The following TYK2 variants were observed in gnomAD, a reference collection of about 807,000 sequenced individuals.
TYK2 encodes the protein non-receptor tyrosine-protein kinase TYK2.
Under a neutral mutation model 130.9 loss-of-function variants are expected in TYK2, and 65 were observed. The ratio of observed to expected loss-of-function variants is 0.50; its 90% CI spans 0.41 to 0.61. The LOEUF (loss-of-function observed/expected upper bound fraction) is 0.61. Ranked by LOEUF, TYK2 falls within the 20% of genes least tolerant of loss-of-function variation. The pLI is 0.00. For missense variants in TYK2, 1,378 were observed against 1,610.7 expected, an observed-to-expected ratio of 0.86 and a Z score of 2.47; for synonymous variants, 647 against 658.9, an observed-to-expected ratio of 0.98 and a Z score of 0.28.
At chr19:10,351,843 A>G (rs1378513082) in intron 23 of TYK2, among the ~76,000 whole-genome samples, 1 of 151,726 alleles carries the variant, frequency 6.6e-6, no homozygotes, top group African/African-American at 2.4e-5. Flanking sequence ...GGTTCAAGCA[A>G]TTCTCCCTGC....
intron 3 of TYK2, chr19:10,368,625 C>T (rs1441812587): frequency 1.6e-6 from 1 of 629,208 alleles, no homozygotes; most frequent in Admixed American, 2.7e-5. Flanking sequence ...TCCCAGCCTC[C>T]CTTGCAGCTA....
chr19:10,359,620 T>C (rs533134396), intron 14 of TYK2, among the ~76,000 whole-genome samples: 483 of 144,140 alleles, frequency 3.4e-3, no homozygotes, highest in African/African-American at 0.012. Flanking sequence ...CTGAGGCAGG[T>C]GGATCACCTG....
chr19:10,359,283 G>C lies in TYK2; in HGVS notation c.2067C>G (p.Tyr689Ter), dbSNP rs187919920. 6.2e-7 allele frequency: 1 copy of C among 1,611,662 alleles called. No individual in the cohort carries two copies. The highest frequency in any genetic ancestry group is 2.2e-5 in the East Asian group (1 of 44,882). ...ACACATCCAGGGGTCCGTGCTCCAC[G>C]TACTCTGTCACCATGATATCTGTAA... ...RGPENIMVTE[Y>*]VEHGPLDVWL... Residue 689 changes from tyrosine to a stop codon, truncating the protein, a stop_gained, in exon 15 of 25, where the codon TAC becomes TAG. Coordinates refer to ENST00000525621, the MANE Select transcript of TYK2 (RefSeq NM_003331.5). LOFTEE classifies it high-confidence loss of function.
chr19:10,378,098 ATGAGTGGG>A, intron 3 of TYK2, 108 bp downstream of exon 3: 1 of 937,620 alleles, frequency 1.1e-6, no homozygotes, highest in Middle Eastern at 3.2e-4. Context: ...GGATGGATGG[ATGAGTGGG>A]TGGATGGGTG....
intron 3 of TYK2, among the ~76,000 whole-genome samples, chr19:10,372,755 T>A (rs1318180534): frequency 6.6e-6 from 1 of 151,844 alleles, no homozygotes; most frequent in Non-Finnish European, 1.5e-5. Context: ...CCTCCAAAAC[T>A]GCTGGGATTG....
In TYK2 at chr19:10,353,525, A is replaced by G; in HGVS notation, c.3027+3T>C. On this transcript the variant is annotated splice_donor_region_variant and intron_variant, in intron 21 of 24. Transcript: ENST00000525621. This position sits in a 1 kb window ranked among gnomAD's most constrained non-coding sequence, Gnocchi z 6.9. ...TCCAGAAGCAGGGGCGGGGCCGACCAACCTCGCAGATCTGCTGGGCGAAGA... is the reference window on the plus strand; with the variant it reads ...TCCAGAAGCAGGGGCGGGGCCGACCGACCTCGCAGATCTGCTGGGCGAAGA... 6.7e-7 allele frequency: 1 copy of G among 1,498,878 alleles called. No individual in the cohort carries two copies. The highest frequency in any genetic ancestry group is 8.9e-7 in the Non-Finnish European group (1 of 1,120,200). The allele number at this position is 1,498,878 out of a possible 1,614,324, so 92.8% of individuals were successfully genotyped here. A position where few individuals can be genotyped will look rare whatever the true frequency, so the allele number is the denominator to read the frequency against.
chr19:10,370,576 C>G (rs921554654), intron 3 of TYK2, among the ~76,000 whole-genome samples: 2 of 149,458 alleles, frequency 1.3e-5, no homozygotes, highest in Non-Finnish European at 3.0e-5. Context: ...CCAGCACTTT[C>G]GGAAGCTGAG....
Position 10,361,867 on chromosome 19 carries a change from A to C in TYK2, c.1862T>G (p.Met621Arg), listed in dbSNP as rs758539496. 6.2e-7 allele frequency: 1 copy of C among 1,613,992 alleles called. No homozygotes were observed. Among genetic ancestry groups the C allele is most frequent in the South Asian group, 1.1e-5 (1 of 91,078 alleles). Residue 621 changes from methionine to arginine, a missense_variant, in exon 13 of 25, where the codon ATG becomes AGG. Transcript: ENST00000525621. The surrounding 1 kb of genome is among the most constrained non-coding windows in gnomAD (Gnocchi z 4.0). ...EGSGDPEEGK[M>R]DDEDPLVPGR... ...AGGCACGAGGGGGTCCTCGTCATCC[A>C]TCTTGCCCTCCTCAGGGTCCCCGCT... is the stretch of plus-strand genomic sequence containing the variant.
intron 2 of TYK2, among the ~76,000 whole-genome samples, chr19:10,379,170 T>C (rs1356755755): frequency 6.7e-6 from 1 of 150,218 alleles, no homozygotes; most frequent in African/African-American, 2.4e-5. Flanking sequence ...CTACAAGAAA[T>C]TTTTAAAATT....
At position 10,368,076 on chromosome 19, in the gene TYK2, T is replaced by C; in HGVS notation, c.444A>G (p.Ser148=). 6.2e-7 allele frequency: 1 copy of C among 1,614,146 alleles called. No individual in the cohort carries two copies. The highest frequency in any genetic ancestry group is 8.5e-7 in the Non-Finnish European group (1 of 1,180,016). Residue 148 remains serine (S), a synonymous_variant, in exon 5 of 25, where the codon TCA becomes TCG. Transcript: ENST00000525621. ...ATACCTGCTCAAAGAGGTACTCAAA[T>C]GAGGCTGGGTCCAGGAGTTGCATCC... is the stretch of plus-strand genomic sequence containing the variant. ...AQGMQLLDPA[S]FEYLFEQGKH... is the part of the protein sequence containing the mutation.
rs897970890 is a variant in TYK2 at position 10,362,010 on chromosome 19, C to T, written c.1774-55G>A. On this transcript the variant is annotated intron_variant, in intron 12 of 24. Coordinates refer to ENST00000525621, the MANE Select transcript of TYK2 (RefSeq NM_003331.5). ...CATGGTGAAAGTTAGCAGCTGATCT[C>T]CCAGGGCCCCCAGCACCCACATCCC... 3.1e-6 allele frequency: 5 copies of T among 1,613,192 alleles called. No individual in the cohort carries two copies. In the African/African-American group the frequency reaches 6.7e-5, roughly 22 times the overall value.
At position 10,378,348 on chromosome 19, in the gene TYK2, T is replaced by C. The variant is rs753407156; in HGVS notation, c.59A>G (p.Gln20Arg). Residue 20 changes from glutamine to arginine, a missense_variant, in exon 3 of 25, where the codon CAG (glutamine) becomes CGG (arginine). By Grantham distance (43) the Gln-to-Arg change is conservative. Transcript: ENST00000525621. ...CAGGCCTCCCATGGCAGCCATGGGC[T>C]GGGCTCCATCCCCAACGGGCTTACT... ...RGSKPVGDGA[Q>R]PMAAMGGLKV... 1 of 1,612,544 alleles carries C rather than the reference T, an allele frequency of 6.2e-7. No individual in the cohort carries two copies. The highest frequency in any genetic ancestry group is 8.5e-7 in the Non-Finnish European group (1 of 1,179,830).
intron 17 of TYK2, chr19:10,357,137 C>T (rs141054017): frequency 1.0e-5 from 4 of 383,676 alleles, no homozygotes; most frequent in Non-Finnish European, 1.5e-5. Context: ...GCCTGTAATC[C>T]CAGCACTTTG....
At chr19:10,354,905 A>T (rs1358558748) in intron 18 of TYK2, among the ~76,000 whole-genome samples, 1 of 151,670 alleles carries the variant, frequency 6.6e-6, no homozygotes, top group Non-Finnish European at 1.5e-5. Context: ...TAAAAAAAAA[A>T]ATTAGCCAGG....
intron 19 of TYK2, 129 bp downstream of exon 19, chr19:10,354,383 T>A: frequency 7.6e-7 from 1 of 1,321,346 alleles, no homozygotes; most frequent in Non-Finnish European, 1.1e-6. Context: ...CCTTGGCACC[T>A]AGGCCTCCCT....
At chr19:10,376,789 C>G (rs1335010575) in intron 3 of TYK2, among the ~76,000 whole-genome samples, 2 of 151,444 alleles carry the variant, frequency 1.3e-5, no homozygotes, top group East Asian at 3.9e-4. Context: ...TTTAGTAGAG[C>G]TGGAGTTTTG....
chr19:10,355,893 C>T (rs1417150768), intron 18 of TYK2, among the ~76,000 whole-genome samples: 6 of 151,696 alleles, frequency 4.0e-5, no homozygotes, highest in African/African-American at 7.3e-5. Flanking sequence ...ACCTGGGAGA[C>T]GGAGGTTGCA....
In TYK2 at chr19:10,362,390, C is replaced by G; in HGVS notation, c.1543G>C (p.Val515Leu). 5 of 1,613,810 alleles carry G rather than the reference C, an allele frequency of 3.1e-6. No individual in the cohort carries two copies. Among genetic ancestry groups the G allele is most frequent in the Non-Finnish European group, 3.4e-6 (4 of 1,179,886 alleles). Residue 515 changes from valine (V) to leucine (L), a missense_variant, in exon 11 of 25, where the codon GTG (valine) becomes CTG (leucine). Val to Leu is a conservative substitution (Grantham distance 32). Coordinates refer to ENST00000525621, the MANE Select transcript of TYK2 (RefSeq NM_003331.5). ...AAGGACCGGCCCCAGCCCTCCAGCA[C>G]GAAGGCCCCGTCCTGCTGCTCAATG... ...FPIEQQDGAF[V>L]LEGWGRSFPS... is the part of the protein sequence containing the mutation.
rs531355933 is a variant in TYK2 at position 10,366,556 on chromosome 19, C to A, written c.490G>T (p.Val164Leu). The A allele has an allele frequency of 1.5e-5, 25 of 1,613,838 alleles. No individual in the cohort carries two copies. In the Admixed American group the frequency reaches 4.0e-4, roughly 26 times the overall value. The change falls in exon 6 of 25, where the codon GTG (valine) becomes TTG (leucine). Residue 164 changes from valine to leucine, a missense_variant. Physicochemically the swap from Val to Leu is conservative, Grantham distance 32. Coordinates refer to ENST00000525621, the MANE Select transcript of TYK2 (RefSeq NM_003331.5). ...GTCGACAGCTCCCACAGTGATGCCA[C>A]GTCATTCACAAACTCATGCTTGCCC... The part of the protein sequence containing the change: ...EQGKHEFVND[V>L]ASLWELSTEE...
Sources: gnomAD v4.1 joint callset for allele counts (sites outside exome capture counted in the v4.1 genomes callset) on GRCh38, gnomAD v4.1.1 for gene constraint, Gnocchi (gnomAD v3.1) non-coding constraint, MANE v1.5 for transcripts, NCBI Gene and HGNC (gene_info 2026-07-23, HGNC 2026-07-21) for gene names.